Variants in FGF12 observed in about 807,000 individuals in gnomAD.
FGF12 encodes fibroblast growth factor 12.
A neutral mutation model predicts 23.6 loss-of-function variants in FGF12; 14 were observed. The observed-to-expected ratio is 0.59, with a 90% CI of 0.39 to 0.93. The LOEUF (loss-of-function observed/expected upper bound fraction) is 0.93, where lower values mean the gene tolerates loss of function less well. Among genes scored for constraint, FGF12 ranks in the 40% least tolerant of loss-of-function variants. The probability of loss-of-function intolerance (pLI) is 0.00; values close to 1 mark genes in which losing one functional copy is unlikely to be tolerated. For missense variants in FGF12, 175 were observed against 217.8 expected, an observed-to-expected ratio of 0.80 and a Z score of 1.24; for synonymous variants, 62 against 77.3, an observed-to-expected ratio of 0.80 and a Z score of 1.04.
At chr3:192,477,255 C>G (rs1157898683) in intron 2 of FGF12, among the ~76,000 whole-genome samples, 1 of 152,154 alleles carries the variant, frequency 6.6e-6, no homozygotes, top group African/African-American at 2.4e-5. Context: ...CACTCTATCT[C>G]CTGCCAGCGC....
At chr3:192,160,261 G>C (rs1275621675) in intron 5 of FGF12, among the ~76,000 whole-genome samples, 2 of 152,042 alleles carry the variant, frequency 1.3e-5, no homozygotes, top group Non-Finnish European at 2.9e-5. Flanking sequence ...AAAATCTAAA[G>C]TCCTGAAGGT....
intron 4 of FGF12, among the ~76,000 whole-genome samples, chr3:192,245,467 T>C (rs1458971340): frequency 6.6e-6 from 1 of 152,094 alleles, no homozygotes; most frequent in East Asian, 1.9e-4. Flanking sequence ...CAATTAGCTA[T>C]TGGCATAATC....
chr3:192,549,221 C>T (rs1725569882), intron 2 of FGF12, among the ~76,000 whole-genome samples: 1 of 152,016 alleles, frequency 6.6e-6, no homozygotes, highest in South Asian at 2.1e-4. Context: ...ACAGAGAAAA[C>T]CAATATGACC....
rs1724596617 is a variant in FGF12, at chr3:192,514,535, C to T, written c.14-153997G>A. ...CAGCGGAGGGGCCCTGACCTCGCCCCAGTCGGGAAACGCCTTCCCTCCGCC... is the reference window on the plus strand; with the variant it reads ...CAGCGGAGGGGCCCTGACCTCGCCCTAGTCGGGAAACGCCTTCCCTCCGCC... On this transcript the variant is annotated intron_variant, in intron 2 of 5. Transcript: ENST00000445105. This position sits in a 1 kb window ranked among gnomAD's most constrained non-coding sequence, Gnocchi z 4.9. 4.1e-6 allele frequency: 1 copy of T among 244,986 alleles called. No individual in the cohort carries two copies. The highest frequency in any genetic ancestry group is 2.3e-5 in the African/African-American group (1 of 43,184). The allele number at this position is 244,986 out of a possible 1,614,324, so 15.2% of individuals were successfully genotyped here.
intron 2 of FGF12, among the ~76,000 whole-genome samples, chr3:192,383,423 T>A (rs1719910567): frequency 6.6e-6 from 1 of 152,004 alleles, no homozygotes; most frequent in Admixed American, 6.6e-5. Context: ...CAAGGTGGTC[T>A]TAAATAAAAC....
chr3:192,452,451 T>C (rs1722552115), intron 2 of FGF12, among the ~76,000 whole-genome samples: 1 of 152,210 alleles, frequency 6.6e-6, no homozygotes, highest in South Asian at 2.1e-4. Context: ...TTACGTGCTA[T>C]AGTCTCTACT....
intron 2 of FGF12, among the ~76,000 whole-genome samples, chr3:192,512,835 AATAT>A (rs773570110): frequency 6.5e-5 from 5 of 76,774 alleles, no homozygotes; most frequent in South Asian, 4.6e-4. Context: ...TACTCAAATA[AATAT>A]ATATATATAT....
intron 4 of FGF12, among the ~76,000 whole-genome samples, chr3:192,181,692 G>A (rs888653373): frequency 1.3e-5 from 2 of 149,306 alleles, no homozygotes; most frequent in East Asian, 4.0e-4. Context: ...GTGCAGTAGC[G>A]GGATCACTGT....
intron 2 of FGF12, among the ~76,000 whole-genome samples, chr3:192,646,308 C>G (rs13060506): frequency 0.041 from 6,191 of 152,030 alleles, 383 homozygotes; most frequent in African/African-American, 0.14. Context: ...CAAAAGAAAC[C>G]TAGATTTTGA....
chr3:192,588,364 A>G lies in FGF12; in HGVS notation c.13+138817T>C, dbSNP rs552309202. 8.9e-4 allele frequency among the ~76,000 whole-genome samples: 130 copies of G among 145,972 alleles called. 3 individuals carry two copies. Among genetic ancestry groups the G allele is most frequent in the Middle Eastern group, 7.1e-3 (2 of 280 alleles). On this transcript the variant is annotated intron_variant, in intron 2 of 5. Coordinates refer to ENST00000445105, the MANE Select transcript of FGF12 (RefSeq NM_004113.6). ...CAATCCGTCTCAAAAAAAAAAAAAA[A>G]AAAGAAAAAAAGAAAAAAAAAATTC...
At chr3:192,341,251 A>T (rs1717675605) in intron 3 of FGF12, among the ~76,000 whole-genome samples, 1 of 152,192 alleles carries the variant, frequency 6.6e-6, no homozygotes, top group African/African-American at 2.4e-5. Context: ...ATGAGCTGTT[A>T]ACCTAAAATA....
At chr3:192,181,417 G>A (rs748509723) in intron 4 of FGF12, among the ~76,000 whole-genome samples, 1 of 151,526 alleles carries the variant, frequency 6.6e-6, no homozygotes, top group Non-Finnish European at 1.5e-5. Context: ...AAGATCAAGA[G>A]GATTTATTAG....
In FGF12 at chr3:192,514,669, C is replaced by G. The variant is rs1227213277; in HGVS notation, c.14-154131G>C. The G allele has an allele frequency of 1.0e-6, 1 of 984,864 alleles. No individual in the cohort carries two copies. 61.0% of individuals were successfully genotyped at this position (984,864 alleles called of 1,614,324 possible). On this transcript the variant is annotated intron_variant, in intron 2 of 5. Transcript: ENST00000445105. The surrounding 1 kb of genome is among the most constrained non-coding windows in gnomAD (Gnocchi z 4.9). ...CTGGGGAAAGAACATTTTCTCACCACTTGGGCTGTCGCTGGACCTCAGGCT... is the reference window on the plus strand; with the variant it reads ...CTGGGGAAAGAACATTTTCTCACCAGTTGGGCTGTCGCTGGACCTCAGGCT...
intron 4 of FGF12, among the ~76,000 whole-genome samples, chr3:192,174,201 C>T (rs191010306): frequency 2.0e-5 from 3 of 152,138 alleles, no homozygotes; most frequent in Non-Finnish European, 4.4e-5. Context: ...TAATAAATAA[C>T]GATTCTTAGG....
chr3:192,436,712 T>A (rs1441002537), intron 2 of FGF12, among the ~76,000 whole-genome samples: 1 of 152,184 alleles, frequency 6.6e-6, no homozygotes, highest in African/African-American at 2.4e-5. Flanking sequence ...TGTTTCTGAG[T>A]AGCCTGTCTG....
At chr3:192,257,161 T>G (rs977092400) in intron 4 of FGF12, among the ~76,000 whole-genome samples, 3 of 152,196 alleles carry the variant, frequency 2.0e-5, no homozygotes, top group African/African-American at 7.2e-5. Context: ...CCTTTTCTAA[T>G]TTTCCCACAT....
At chr3:192,686,755 G>A (rs565348465) in intron 2 of FGF12, among the ~76,000 whole-genome samples, 29 of 146,250 alleles carry the variant, frequency 2.0e-4, no homozygotes, top group Admixed American at 6.2e-4. Context: ...AAAACTGCAC[G>A]TTCTGCACAT....
chr3:192,470,678 C>A (rs1242226972), intron 2 of FGF12, among the ~76,000 whole-genome samples: 1 of 152,206 alleles, frequency 6.6e-6, no homozygotes, highest in Non-Finnish European at 1.5e-5. Context: ...CATGAGCCCC[C>A]ACACCCGGCC....
rs118182756 is a variant in FGF12 at position 192,410,526 on chromosome 3, A to C, written c.14-49988T>G. Among the ~76,000 whole-genome samples the C allele has an allele frequency of 1.0e-3, 152 of 152,320 alleles. No individual in the cohort carries two copies. In the East Asian group the frequency reaches 0.01, roughly 10 times the overall value. On this transcript the variant is annotated intron_variant, in intron 2 of 5. Coordinates refer to ENST00000445105, the MANE Select transcript of FGF12 (RefSeq NM_004113.6). ...GTCCACACTCTCTCCAATAAGCTTG[A>C]GCACGTAGAATTCTCTGTTTAGTTA...
Sources: allele counts gnomAD v4.1 joint callset (sites outside exome capture counted in the v4.1 genomes callset), GRCh38; gene constraint gnomAD v4.1.1; non-coding constraint Gnocchi (gnomAD v3.1); transcripts MANE v1.5; gene names NCBI Gene and HGNC (gene_info 2026-07-23, HGNC 2026-07-21).